The following FER1L6 variants were observed in gnomAD, a reference collection of about 807,000 sequenced individuals.
The protein encoded by FER1L6 is fer-1 like family member 6.
A neutral mutation model predicts 219.2 loss-of-function variants in FER1L6; 177 were observed. That is an observed-to-expected ratio of 0.81 (90% CI 0.71 to 0.91). FER1L6 has a LOEUF of 0.91. Ranked by LOEUF, FER1L6 falls within the 40% of genes least tolerant of loss-of-function variation. The pLI, the probability that FER1L6 is intolerant of heterozygous loss-of-function variation, is 0.00. For synonymous variants in FER1L6, 768 were observed against 824.3 expected (o/e 0.93, Z 1.17); for missense variants, 2,153 against 2,259.9 (o/e 0.95, Z 0.96).
chr8:124,076,462 G>A (rs967262926), intron 32 of FER1L6, 137 bp downstream of exon 32: 10 of 830,852 alleles, frequency 1.2e-5, no homozygotes, highest in Admixed American at 2.2e-5. Context: ...TCTGCTCTTG[G>A]TAATAACCAA....
chr8:124,091,029 T>C (rs1298586950), intron 33 of FER1L6, among the ~76,000 whole-genome samples: 1 of 152,180 alleles, frequency 6.6e-6, no homozygotes, highest in African/African-American at 2.4e-5. Context: ...GAGGAGTAAC[T>C]GCTTTCTGGG....
At chr8:124,074,959 G>A (rs988244771) in intron 31 of FER1L6, among the ~76,000 whole-genome samples, 2 of 152,170 alleles carry the variant, frequency 1.3e-5, no homozygotes, top group African/African-American at 4.8e-5. Context: ...TGGTACACCT[G>A]TCTAGGGCAC....
At chr8:123,971,747 G>T (rs1052508539) in intron 6 of FER1L6, among the ~76,000 whole-genome samples, 4 of 152,182 alleles carry the variant, frequency 2.6e-5, no homozygotes. Flanking sequence ...TAAGAAGTGG[G>T]GGACTGCTGT....
intron 12 of FER1L6, among the ~76,000 whole-genome samples, chr8:124,002,434 C>A (rs572289520): frequency 1.3e-5 from 2 of 152,192 alleles, no homozygotes; most frequent in African/African-American, 2.4e-5. Context: ...GATCCTGAAC[C>A]TTTCTTGATT....
intron 1 of FER1L6, among the ~76,000 whole-genome samples, chr8:123,898,823 GTATA>G (rs753954470): frequency 9.2e-6 from 1 of 108,178 alleles, no homozygotes; most frequent in Non-Finnish European, 2.0e-5. Flanking sequence ...ATACATATGT[GTATA>G]TATATATATA....
At chr8:124,015,829 A>C (rs1044096464) in intron 15 of FER1L6, 32 of 152,378 alleles carry the variant, frequency 2.1e-4, no homozygotes, top group Non-Finnish European at 4.3e-4. Context: ...ACAGAGATAA[A>C]AATGTTAGTT....
intron 38 of FER1L6, 49 bp downstream of exon 38, chr8:124,101,387 T>C: frequency 6.4e-7 from 1 of 1,567,182 alleles, no homozygotes; most frequent in Non-Finnish European, 8.7e-7. Context: ...GGGTTTTGTC[T>C]CAGCTTTTGG....
intron 1 of FER1L6, among the ~76,000 whole-genome samples, chr8:123,901,292 A>G (rs1386646150): frequency 6.6e-6 from 1 of 152,200 alleles, no homozygotes; most frequent in African/African-American, 2.4e-5. Context: ...TTATGTGTGT[A>G]AAGTTGTTCA....
chr8:123,901,751 C>T (rs1236299161), intron 1 of FER1L6, among the ~76,000 whole-genome samples: 1 of 151,572 alleles, frequency 6.6e-6, no homozygotes, highest in African/African-American at 2.4e-5. Flanking sequence ...TGGAGCCTCG[C>T]TCTGTTGCCC....
intron 1 of FER1L6, among the ~76,000 whole-genome samples, chr8:123,877,811 T>A (rs1292967394): frequency 1.3e-5 from 2 of 152,018 alleles, no homozygotes; most frequent in African/African-American, 2.4e-5. Context: ...TGAGACTGAT[T>A]TTTTTCCTTC....
chr8:124,016,579 G>T (rs1563745747), intron 15 of FER1L6, among the ~76,000 whole-genome samples: 1 of 152,014 alleles, frequency 6.6e-6, no homozygotes, highest in Non-Finnish European at 1.5e-5. Context: ...CTGTGCATTT[G>T]GGAACATACA....
intron 1 of FER1L6, among the ~76,000 whole-genome samples, chr8:123,871,922 T>C (rs556826394): frequency 6.6e-6 from 1 of 152,206 alleles, no homozygotes; most frequent in Admixed American, 6.5e-5. Context: ...GAAACCTATA[T>C]GTATTAGGCT....
chr8:123,935,934 G>C (rs1398781598), intron 1 of FER1L6, among the ~76,000 whole-genome samples: 1 of 132,084 alleles, frequency 7.6e-6, no homozygotes, highest in Non-Finnish European at 1.6e-5. Flanking sequence ...AAAATCCTGC[G>C]AACTGGCTAA....
At position 123,852,806 on chromosome 8, in the gene FER1L6, C is replaced by T. The variant is rs531178662; in HGVS notation, c.-8+621C>T. 4.7e-4 allele frequency among the ~76,000 whole-genome samples: 71 copies of T among 152,180 alleles called. No homozygotes were observed. Among genetic ancestry groups the T allele is most frequent in the African/African-American group, 1.2e-3 (51 of 41,524 alleles). ...CAGCATTACTATTAACTAAGCTCCA[C>T]GCTTTATTTGGATTTCACAAGTTTT... On this transcript the variant is annotated intron_variant, in intron 1 of 40. Coordinates refer to ENST00000522917, the MANE Select transcript of FER1L6 (RefSeq NM_001039112.2). This position sits in a 1 kb window ranked among gnomAD's most constrained non-coding sequence, Gnocchi z 4.9.
At position 123,980,784 on chromosome 8, in the gene FER1L6, G is replaced by A. The variant is rs1461168284; in HGVS notation, c.1383G>A (p.Glu461=). The stretch of plus-strand genomic sequence containing the variant: ...ACAAAACTAACTCAACCGAGGTGGA[G>A]GTGGAATCGTTCGATGTCCCCCCGG... ...ASNKTNSTEV[E]VESFDVPPEI... Residue 461 remains glutamate (E), a synonymous_variant, in exon 11 of 41, where the codon GAG becomes GAA. Coordinates refer to ENST00000522917, the MANE Select transcript of FER1L6 (RefSeq NM_001039112.2). 6.2e-7 allele frequency: 1 copy of A among 1,613,984 alleles called. No individual in the cohort carries two copies. The highest frequency in any genetic ancestry group is 8.5e-7 in the Non-Finnish European group (1 of 1,179,958).
At chr8:123,867,157 A>C (rs1220962725) in intron 1 of FER1L6, among the ~76,000 whole-genome samples, 2 of 151,366 alleles carry the variant, frequency 1.3e-5, no homozygotes, top group East Asian at 3.9e-4. Context: ...TGTTGTGGAG[A>C]TTTTCTCCTG....
intron 14 of FER1L6, 152 bp downstream of exon 14, chr8:124,010,866 C>T: frequency 9.0e-7 from 1 of 1,108,660 alleles, no homozygotes; most frequent in Non-Finnish European, 1.3e-6. Context: ...TCCTACTATG[C>T]AAATCTAGGG....
intron 34 of FER1L6, among the ~76,000 whole-genome samples, chr8:124,093,455 C>A (rs1360171430): frequency 6.6e-6 from 1 of 151,894 alleles, no homozygotes; most frequent in Non-Finnish European, 1.5e-5. Flanking sequence ...TGACCCCTAC[C>A]ACTTTGATAC....
At chr8:124,097,907 C>T (rs374086007) in intron 37 of FER1L6, 24 bp downstream of exon 37, 142 of 1,181,082 alleles carry the variant, frequency 1.2e-4, no homozygotes, top group Non-Finnish European at 1.6e-4. Context: ...CAAACTCCAA[C>T]CTCCCATTTC....
Sources: gnomAD v4.1 joint callset for allele counts (sites outside exome capture counted in the v4.1 genomes callset) on GRCh38, gnomAD v4.1.1 for gene constraint, Gnocchi (gnomAD v3.1) non-coding constraint, MANE v1.5 for transcripts, NCBI Gene and HGNC (gene_info 2026-07-23, HGNC 2026-07-21) for gene names.